The following SOBP variants were observed in gnomAD, a reference collection of about 807,000 sequenced individuals.
The protein encoded by SOBP is sine oculis binding protein homolog.
A neutral mutation model predicts 53.6 loss-of-function variants in SOBP; 4 were observed. That is an observed-to-expected ratio of 0.07 (90% CI 0.04 to 0.17). The LOEUF (loss-of-function observed/expected upper bound fraction) is 0.17. SOBP is among the 10% of genes least tolerant of loss of function. The pLI is 1.00. For missense variants in SOBP, 1,088 were observed against 1,204.7 expected, an observed-to-expected ratio of 0.90 and a Z score of 1.43; for synonymous variants, 584 against 522.6, an observed-to-expected ratio of 1.12 and a Z score of -1.60.
intron 5 of SOBP, among the ~76,000 whole-genome samples, chr6:107,624,968 T>A (rs746197422): frequency 6.6e-6 from 1 of 152,236 alleles, no homozygotes; most frequent in Non-Finnish European, 1.5e-5. Context: ...TGGGGCAGTA[T>A]GAGTTTTGAA....
chr6:107,605,349 G>T (rs1032339740), intron 5 of SOBP, among the ~76,000 whole-genome samples: 1 of 152,248 alleles, frequency 6.6e-6, no homozygotes, highest in South Asian at 2.1e-4. Context: ...GAGGTGCTGG[G>T]GTTCAGGGGC....
intron 4 of SOBP, among the ~76,000 whole-genome samples, chr6:107,553,487 C>T (rs186374751): frequency 0.015 from 2,249 of 150,806 alleles, 44 homozygotes; most frequent in African/African-American, 0.053. Context: ...CGCCACTACA[C>T]CTGGCTAATT....
chr6:107,583,768 T>C (rs1302240942), intron 4 of SOBP, among the ~76,000 whole-genome samples: 3 of 152,072 alleles, frequency 2.0e-5, no homozygotes, highest in African/African-American at 7.2e-5. Context: ...TAGGGTAAGG[T>C]CTACCATAGG....
chr6:107,635,145 G>C lies in SOBP; in HGVS notation c.2301G>C (p.Glu767Asp), dbSNP rs1583297078. 2 of 1,613,168 alleles carry C rather than the reference G, an allele frequency of 1.2e-6. No homozygotes were observed. The highest frequency in any genetic ancestry group is 2.2e-5 in the East Asian group (1 of 44,858). ...LLSPEEPAVSELESVKENNCA... is the reference protein window; with the variant it reads ...LLSPEEPAVSDLESVKENNCA... The stretch of plus-strand genomic sequence containing the variant: ...CGCCTGAGGAACCGGCGGTGAGCGA[G>C]CTAGAGTCGGTCAAGGAGAATAACT... The change falls in exon 6 of 7, where the codon GAG (glutamate) becomes GAC (aspartate). Residue 767 changes from glutamate (E) to aspartate (D), a missense_variant. By Grantham distance (45) the Glu-to-Asp change is conservative. This residue lies in a region of SOBP where 665 missense variants were observed against 629.7 expected (regional missense o/e 1.06). Transcript: ENST00000317357. The surrounding 1 kb of genome is among the most constrained non-coding windows in gnomAD (Gnocchi z 4.5).
intron 4 of SOBP, among the ~76,000 whole-genome samples, chr6:107,580,719 T>G (rs746846698): frequency 1.4e-4 from 22 of 152,124 alleles, no homozygotes; most frequent in Non-Finnish European, 2.5e-4. Flanking sequence ...GAGAGAAACG[T>G]GGGGCAAAAA....
intron 4 of SOBP, 46 bp from the exon 5 acceptor site, chr6:107,587,034 T>C: frequency 2.8e-6 from 4 of 1,434,658 alleles, no homozygotes; most frequent in Non-Finnish European, 3.9e-6. Context: ...CTTTTTTTCT[T>C]CCATTATTTG....
At chr6:107,632,470 G>A (rs892990888) in intron 5 of SOBP, among the ~76,000 whole-genome samples, 7 of 152,158 alleles carry the variant, frequency 4.6e-5, no homozygotes, top group African/African-American at 1.7e-4. Flanking sequence ...ATTAATTCTT[G>A]TTTAAAATGC....
At chr6:107,575,642 G>A (rs1166075778) in intron 4 of SOBP, among the ~76,000 whole-genome samples, 2 of 152,102 alleles carry the variant, frequency 1.3e-5, no homozygotes, top group African/African-American at 2.4e-5. Flanking sequence ...CACTAAGAAG[G>A]GAGAGGTTGT....
Position 107,503,683 on chromosome 6 carries a change from A to G in SOBP, c.123A>G (p.Glu41=). The part of the protein sequence containing the change: ...MKNFAENTMN[E]LLGWYGYDKV... ...ACTTTGCAGAAAACACCATGAATGAACTCCTTGGCTGGTATGGCTATGATA... is the reference window on the plus strand; with the variant it reads ...ACTTTGCAGAAAACACCATGAATGAGCTCCTTGGCTGGTATGGCTATGATA... The change falls in exon 2 of 7, where the codon GAA becomes GAG. Residue 41 remains glutamate, a synonymous_variant. Coordinates refer to ENST00000317357, the MANE Select transcript of SOBP (RefSeq NM_018013.4). 2 of 1,614,102 alleles carry G rather than the reference A, an allele frequency of 1.2e-6. No homozygotes were observed. The highest frequency in any genetic ancestry group is 1.7e-6 in the Non-Finnish European group (2 of 1,180,018).
chr6:107,602,568 T>TAAAAAAAAAAAAAAA (rs71810335), intron 5 of SOBP, among the ~76,000 whole-genome samples: 11 of 102,760 alleles, frequency 1.1e-4, no homozygotes, highest in Admixed American at 2.1e-4. Context: ...TAAGCCGCGT[T>TAAAAAAAAAAAAAAA]AAAAAAAAAA....
rs541414268 is a variant in SOBP, at chr6:107,530,905, G to A, written c.422-2554G>A. 1.2e-4 allele frequency among the ~76,000 whole-genome samples: 19 copies of A among 152,226 alleles called. 1 individual carries two copies. In the South Asian group the frequency reaches 1.5e-3, roughly 12 times the overall value. On this transcript the variant is annotated intron_variant, in intron 3 of 6. Transcript: ENST00000317357. ...GTTTTAAAATTCTACCTTTTTGTTC[G>A]TTTATTTGTTAGGTCCTTTGTAAGA...
intron 3 of SOBP, among the ~76,000 whole-genome samples, chr6:107,529,221 G>T (rs961899705): frequency 6.6e-6 from 1 of 152,148 alleles, no homozygotes; most frequent in Non-Finnish European, 1.5e-5. Context: ...TTTCTTTTTT[G>T]CAGAAGTTAT....
At chr6:107,656,371 A>AAGACAGAC (rs139349510) in intron 6 of SOBP, among the ~76,000 whole-genome samples, 6 of 79,440 alleles carry the variant, frequency 7.6e-5, no homozygotes, top group South Asian at 2.9e-4. Context: ...GAAAGAAAGT[A>AAGACAGAC]AGTCAAATGT....
At chr6:107,537,902 C>A (rs1784048251) in intron 4 of SOBP, among the ~76,000 whole-genome samples, 1 of 150,920 alleles carries the variant, frequency 6.6e-6, no homozygotes, top group South Asian at 2.1e-4. Flanking sequence ...GGGAAGAAAC[C>A]AATGTGGCTC....
At chr6:107,643,871 T>TG (rs1208808882) in intron 6 of SOBP, among the ~76,000 whole-genome samples, 1 of 152,244 alleles carries the variant, frequency 6.6e-6, no homozygotes, top group Non-Finnish European at 1.5e-5. Flanking sequence ...TTAATTCAAA[T>TG]GTCATTTTTA....
chr6:107,558,677 T>C (rs1303311391), intron 4 of SOBP, among the ~76,000 whole-genome samples: 1 of 150,872 alleles, frequency 6.6e-6, no homozygotes, highest in Non-Finnish European at 1.5e-5. Context: ...TAATAAAATA[T>C]AATAAATATA....
chr6:107,529,002 A>G (rs1450238879), intron 3 of SOBP, among the ~76,000 whole-genome samples: 1 of 152,202 alleles, frequency 6.6e-6, no homozygotes, highest in African/African-American at 2.4e-5. Context: ...ATTAAATAAC[A>G]TTGAAATGAG....
intron 3 of SOBP, among the ~76,000 whole-genome samples, chr6:107,518,993 A>ATTC (rs1562585812): frequency 6.6e-6 from 1 of 151,900 alleles, no homozygotes; most frequent in African/African-American, 2.4e-5. Context: ...ATTATTACCA[A>ATTC]GTGAAATGCA....
chr6:107,649,094 G>A (rs2115172267), intron 6 of SOBP, among the ~76,000 whole-genome samples: 1 of 143,016 alleles, frequency 7.0e-6, no homozygotes, highest in East Asian at 2.1e-4. Context: ...TGAGGCTGCA[G>A]TGAGCTATGA....
Sources: allele counts gnomAD v4.1 joint callset (sites outside exome capture counted in the v4.1 genomes callset), GRCh38; gene constraint gnomAD v4.1.1; regional missense constraint gnomAD v4.1.1; non-coding constraint Gnocchi (gnomAD v3.1); transcripts MANE v1.5; gene names NCBI Gene and HGNC (gene_info 2026-07-23, HGNC 2026-07-21).